KCNQ5: variants seen among roughly 807,000 people sequenced by gnomAD.
KCNQ5 encodes potassium voltage-gated channel subfamily KQT member 5.
In KCNQ5, 30 loss-of-function variants were observed where a neutral mutation model predicts 98.2. The observed-to-expected ratio is 0.31, with a 90% CI of 0.23 to 0.41. The LOEUF (loss-of-function observed/expected upper bound fraction) is 0.41. KCNQ5 is among the 10% of genes least tolerant of loss of function. The pLI is 1.00. For missense variants in KCNQ5, 835 were observed against 1,182.5 expected (o/e 0.71, Z 4.31); for synonymous variants, 458 against 449.4 (o/e 1.02, Z -0.24).
At chr6:72,756,263 C>G (rs1041419246) in intron 1 of KCNQ5, among the ~76,000 whole-genome samples, 1 of 152,164 alleles carries the variant, frequency 6.6e-6, no homozygotes, top group African/African-American at 2.4e-5. Flanking sequence ...CCTCAGCTCT[C>G]TAATGGGCTC....
Position 73,195,126 on chromosome 6 carries a change from G to A in KCNQ5, c.2511G>A (p.Arg837=), listed in dbSNP as rs368432530. The change falls in exon 14 of 14, where the codon AGG becomes AGA. Residue 837 remains arginine, a synonymous_variant. Coordinates refer to ENST00000370398, the MANE Select transcript of KCNQ5 (RefSeq NM_019842.4). ...CTTTGTCTGTGCAAAACCTGATCAG[G>A]TCGACCGAGGAACTGAATATACAAC... ...GKSLSVQNLI[R]STEELNIQLS... 7.4e-6 allele frequency: 12 copies of A among 1,614,086 alleles called. No individual in the cohort carries two copies. The highest frequency in any genetic ancestry group is 1.0e-5 in the Non-Finnish European group (12 of 1,180,052).
chr6:72,751,651 CT>C (rs1299013578), intron 1 of KCNQ5, among the ~76,000 whole-genome samples: 1 of 151,874 alleles, frequency 6.6e-6, no homozygotes, highest in Non-Finnish European at 1.5e-5. Flanking sequence ...TTACCATTGA[CT>C]TTTTTTATGA....
At chr6:72,924,201 T>C (rs1780525499) in intron 1 of KCNQ5, among the ~76,000 whole-genome samples, 1 of 152,200 alleles carries the variant, frequency 6.6e-6, no homozygotes, top group South Asian at 2.1e-4. Flanking sequence ...CTACCCATCA[T>C]TTTTATAACA....
chr6:73,044,402 A>G (rs565676605), intron 3 of KCNQ5, among the ~76,000 whole-genome samples: 48 of 152,260 alleles, frequency 3.2e-4, no homozygotes, highest in Non-Finnish European at 5.0e-4. Flanking sequence ...AATTTCATGG[A>G]TAAATATATA....
chr6:72,762,946 GTAA>G (rs1383676073), intron 1 of KCNQ5, among the ~76,000 whole-genome samples: 1 of 151,892 alleles, frequency 6.6e-6, no homozygotes, highest in Non-Finnish European at 1.5e-5. Flanking sequence ...AGCCATTTTA[GTAA>G]TGCTTGTAGT....
At chr6:72,683,652 C>T (rs1381795966) in intron 1 of KCNQ5, among the ~76,000 whole-genome samples, 1 of 151,886 alleles carries the variant, frequency 6.6e-6, no homozygotes, top group Non-Finnish European at 1.5e-5. Flanking sequence ...CAGGCGTGAG[C>T]TACTGCGCCT....
chr6:72,741,934 G>C (rs1027229863), intron 1 of KCNQ5, among the ~76,000 whole-genome samples: 1 of 152,194 alleles, frequency 6.6e-6, no homozygotes, highest in African/African-American at 2.4e-5. Context: ...ATAATCTTCT[G>C]TTTTAAGTTT....
At chr6:72,959,996 G>A (rs1038321128) in intron 1 of KCNQ5, among the ~76,000 whole-genome samples, 11 of 152,206 alleles carry the variant, frequency 7.2e-5, no homozygotes, top group African/African-American at 2.2e-4. Context: ...CAAGCTGTAG[G>A]CCAGAAGGGA....
intron 1 of KCNQ5, among the ~76,000 whole-genome samples, chr6:72,870,792 T>C (rs1581932384): frequency 1.3e-5 from 2 of 152,318 alleles, no homozygotes; most frequent in East Asian, 3.9e-4. Context: ...TACAGTGTAC[T>C]AATAATCCAG....
intron 1 of KCNQ5, among the ~76,000 whole-genome samples, chr6:72,800,850 A>G (rs1774609079): frequency 6.6e-6 from 1 of 152,112 alleles, no homozygotes; most frequent in African/African-American, 2.4e-5. Context: ...GGTTTCAAAG[A>G]ACATCTTTAT....
chr6:73,177,969 CT>C lies in KCNQ5; in HGVS notation c.1577+8119del, dbSNP rs565323224. Reference sequence around the variant, plus strand: ...CTTTGTAGCATGTGAGATATTAAACCTTTTCTTTGGCTATAATTTAAACTGA... The same window carrying C: ...CTTTGTAGCATGTGAGATATTAAACCTTTCTTTGGCTATAATTTAAACTGA... On this transcript the variant is annotated intron_variant, in intron 11 of 13. Transcript: ENST00000370398. 1.5e-3 allele frequency among the ~76,000 whole-genome samples: 228 copies of C among 152,224 alleles called. 1 individual carries two copies. The highest frequency in any genetic ancestry group is 1.9e-3 in the Non-Finnish European group (130 of 68,016).
intron 2 of KCNQ5, among the ~76,000 whole-genome samples, chr6:73,039,093 G>C (rs1771574328): frequency 1.3e-5 from 2 of 151,948 alleles, no homozygotes; most frequent in Admixed American, 6.6e-5. Context: ...TAAAGGATTT[G>C]GTCCATTTCT....
intron 1 of KCNQ5, among the ~76,000 whole-genome samples, chr6:72,838,928 C>G (rs1008718278): frequency 8.8e-6 from 1 of 113,906 alleles, no homozygotes; most frequent in South Asian, 3.0e-4. Context: ...CCAGCCTGGG[C>G]GACAGAGCGA....
chr6:72,875,828 AT>A (rs939729370), intron 1 of KCNQ5, among the ~76,000 whole-genome samples: 2 of 152,056 alleles, frequency 1.3e-5, no homozygotes, highest in African/African-American at 4.8e-5. Context: ...ACAAATATTA[AT>A]TTTTTGTTAT....
chr6:73,091,621 C>G (rs1403766898), intron 5 of KCNQ5, among the ~76,000 whole-genome samples: 2 of 152,080 alleles, frequency 1.3e-5, no homozygotes, highest in Non-Finnish European at 2.9e-5. Context: ...TTCCATTGGT[C>G]TATGTGCATA....
intron 1 of KCNQ5, among the ~76,000 whole-genome samples, chr6:72,924,313 C>T (rs1780530759): frequency 6.6e-6 from 1 of 152,032 alleles, no homozygotes; most frequent in Non-Finnish European, 1.5e-5. Context: ...TCACAGGAAA[C>T]TAGGAAGCAG....
At chr6:73,145,242 C>A (rs1317729283) in intron 10 of KCNQ5, among the ~76,000 whole-genome samples, 1 of 152,144 alleles carries the variant, frequency 6.6e-6, no homozygotes, top group Admixed American at 6.5e-5. Context: ...TCATTTAATA[C>A]ACACATAGCC....
intron 2 of KCNQ5, among the ~76,000 whole-genome samples, chr6:73,027,365 G>T (rs566216003): frequency 6.6e-6 from 1 of 152,130 alleles, no homozygotes; most frequent in African/African-American, 2.4e-5. Flanking sequence ...GGGACAGACC[G>T]ACACGTATTT....
chr6:72,877,961 C>T (rs1196018317), intron 1 of KCNQ5, among the ~76,000 whole-genome samples: 1 of 152,182 alleles, frequency 6.6e-6, no homozygotes, highest in Non-Finnish European at 1.5e-5. Flanking sequence ...AGTTAAGTAT[C>T]TTCTGTAGAC....
Sources: gnomAD v4.1 joint callset for allele counts (sites outside exome capture counted in the v4.1 genomes callset) on GRCh38, gnomAD v4.1.1 for gene constraint, MANE v1.5 for transcripts, NCBI Gene and HGNC (gene_info 2026-07-23, HGNC 2026-07-21) for gene names.